The following ROBO1 variants were observed in gnomAD, a reference collection of about 807,000 sequenced individuals.
ROBO1 encodes the protein roundabout guidance receptor 1.
Under a neutral mutation model 195.9 loss-of-function variants are expected in ROBO1, and 149 were observed. The ratio of observed to expected loss-of-function variants is 0.76; its 90% CI spans 0.67 to 0.87. ROBO1 has a LOEUF of 0.87. Among genes scored for constraint, ROBO1 ranks in the 40% least tolerant of loss-of-function variants. The probability of loss-of-function intolerance (pLI) is 0.00; values close to 1 mark genes in which losing one functional copy is unlikely to be tolerated. For synonymous variants in ROBO1, 816 were observed against 733.2 expected (o/e 1.11, Z -1.82); for missense variants, 1,933 against 2,068.3 (o/e 0.93, Z 1.27).
chr3:79,581,517 C>T (rs1274243795), intron 2 of ROBO1, among the ~76,000 whole-genome samples: 2 of 152,122 alleles, frequency 1.3e-5, no homozygotes, highest in Non-Finnish European at 2.9e-5. Context: ...TAAAGCTTCA[C>T]ATTAGAAGAC....
chr3:79,279,374 A>C (rs1206997951), intron 2 of ROBO1, among the ~76,000 whole-genome samples: 2 of 152,240 alleles, frequency 1.3e-5, no homozygotes, highest in Non-Finnish European at 2.9e-5. Context: ...ATGGCCAACC[A>C]ATGATTAATT....
rs146032799 is a variant in ROBO1, at chr3:78,745,853, G to C, written c.657+890C>G. Among the ~76,000 whole-genome samples the C allele has an allele frequency of 3.0e-3, 454 of 152,296 alleles. 6 individuals carry two copies. Among genetic ancestry groups the C allele is most frequent in the African/African-American group, 0.01 (416 of 41,574 alleles). On this transcript the variant is annotated intron_variant, in intron 5 of 30. Transcript: ENST00000464233. ...CAAGCTAATCTACTAACCAGGTGCT[G>C]AGAAACAGTGCAACTACTAATTAGG...
At chr3:79,721,260 A>G (rs915139030) in intron 1 of ROBO1, among the ~76,000 whole-genome samples, 3 of 152,130 alleles carry the variant, frequency 2.0e-5, no homozygotes, top group African/African-American at 4.8e-5. Flanking sequence ...GGAGATAATT[A>G]CTCTCCTCTA....
At chr3:79,454,136 T>TC (rs2039538068) in intron 2 of ROBO1, among the ~76,000 whole-genome samples, 2 of 151,576 alleles carry the variant, frequency 1.3e-5, no homozygotes, top group Admixed American at 1.3e-4. Flanking sequence ...CATTCCTTTT[T>TC]TTTTTTTTTC....
At chr3:79,117,647 C>G (rs1188075789) in intron 3 of ROBO1, among the ~76,000 whole-genome samples, 1 of 152,118 alleles carries the variant, frequency 6.6e-6, no homozygotes, top group Admixed American at 6.6e-5. Context: ...CTGTAATACC[C>G]ACGTATATCA....
chr3:79,001,598 T>C (rs2077506558), intron 3 of ROBO1, among the ~76,000 whole-genome samples: 1 of 152,174 alleles, frequency 6.6e-6, no homozygotes, highest in African/African-American at 2.4e-5. Context: ...AGAGTTTCAC[T>C]GTACTTTTTC....
At chr3:79,567,470 G>A (rs1943127266) in intron 2 of ROBO1, among the ~76,000 whole-genome samples, 1 of 152,152 alleles carries the variant, frequency 6.6e-6, no homozygotes, top group African/African-American at 2.4e-5. Flanking sequence ...AGCATTCCAT[G>A]TTACTCAACA....
chr3:79,510,236 C>T (rs115153391), intron 2 of ROBO1, among the ~76,000 whole-genome samples: 5 of 152,238 alleles, frequency 3.3e-5, no homozygotes, highest in Non-Finnish European at 7.4e-5. Flanking sequence ...AGGTGCTCAC[C>T]GTCCTGCTGT....
intron 2 of ROBO1, among the ~76,000 whole-genome samples, chr3:79,182,159 T>G (rs1172250538): frequency 6.6e-6 from 1 of 152,204 alleles, no homozygotes; most frequent in Admixed American, 6.5e-5. Context: ...TATTTTCATA[T>G]GATGCAACAA....
rs997738688 is a variant in ROBO1 at position 78,871,755 on chromosome 3, A to C, written c.499+66846T>G. On this transcript the variant is annotated intron_variant, in intron 4 of 30. Coordinates refer to ENST00000464233, the MANE Select transcript of ROBO1 (RefSeq NM_002941.4). ...AAGCTTTCACAGCAAAAAAAAAAAA[A>C]AAAAAAGAATTTGTAAAGCTAGGTT... Among the ~76,000 whole-genome samples the C allele has an allele frequency of 2.7e-3, 417 of 151,772 alleles. 1 individual carries two copies. The highest frequency in any genetic ancestry group is 9.0e-3 in the African/African-American group (375 of 41,480).
At position 79,017,475 on chromosome 3, in the gene ROBO1, G is replaced by GTGTGTA. The variant is rs1410567841; in HGVS notation, c.173-78549_173-78548insTACACA. Among the ~76,000 whole-genome samples the GTGTGTA allele has an allele frequency of 1.0e-3, 157 of 150,886 alleles. 4 individuals carry two copies. Among genetic ancestry groups the GTGTGTA allele is most frequent in the South Asian group, 1.5e-3 (7 of 4,758 alleles). On this transcript the variant is annotated intron_variant, in intron 3 of 30. Transcript: ENST00000464233. ...AGTGTGTGTGTGTGTGTGTGTGTGT[G>GTGTGTA]TGTGTGTGTGTGTGTGTGTTTTAAA...
At chr3:79,651,133 T>C (rs1945993906) in intron 1 of ROBO1, among the ~76,000 whole-genome samples, 1 of 152,050 alleles carries the variant, frequency 6.6e-6, no homozygotes, top group South Asian at 2.1e-4. Flanking sequence ...TATGTTTATG[T>C]TTTCAAATAC....
At chr3:78,831,537 G>T (rs2032208892) in intron 4 of ROBO1, among the ~76,000 whole-genome samples, 1 of 152,112 alleles carries the variant, frequency 6.6e-6, no homozygotes. Flanking sequence ...ATGTTCAGTT[G>T]TGCACAGTAC....
chr3:79,274,908 C>T (rs1342748256), intron 2 of ROBO1, among the ~76,000 whole-genome samples: 1 of 151,858 alleles, frequency 6.6e-6, no homozygotes, highest in Non-Finnish European at 1.5e-5. Flanking sequence ...TTCCTAGAAA[C>T]ATACAACCTA....
intron 3 of ROBO1, among the ~76,000 whole-genome samples, chr3:79,023,017 C>T (rs1262219209): frequency 6.6e-6 from 1 of 152,116 alleles, no homozygotes; most frequent in Non-Finnish European, 1.5e-5. Flanking sequence ...CCACTTACTC[C>T]GATGAGTAGG....
chr3:79,692,192 T>C (rs2107088369), intron 1 of ROBO1, among the ~76,000 whole-genome samples: 1 of 152,000 alleles, frequency 6.6e-6, no homozygotes, highest in East Asian at 1.9e-4. Flanking sequence ...GAAATAAAAG[T>C]AACTATACTT....
At chr3:78,868,322 C>A (rs1281027210) in intron 4 of ROBO1, among the ~76,000 whole-genome samples, 1 of 151,252 alleles carries the variant, frequency 6.6e-6, no homozygotes, top group Non-Finnish European at 1.5e-5. Context: ...GATGTCAGTG[C>A]AAACCTTGGA....
At chr3:78,862,212 A>C (rs1310219775) in intron 4 of ROBO1, among the ~76,000 whole-genome samples, 3 of 152,112 alleles carry the variant, frequency 2.0e-5, no homozygotes, top group Non-Finnish European at 4.4e-5. Flanking sequence ...TGACAGACTC[A>C]ACCACCTTGG....
At chr3:79,182,133 C>T (rs2081352361) in intron 2 of ROBO1, among the ~76,000 whole-genome samples, 1 of 151,890 alleles carries the variant, frequency 6.6e-6, no homozygotes, top group Non-Finnish European at 1.5e-5. Flanking sequence ...ATTATTAAGT[C>T]GCAGTTGATA....
Sources: allele counts gnomAD v4.1 joint callset (sites outside exome capture counted in the v4.1 genomes callset), GRCh38; gene constraint gnomAD v4.1.1; transcripts MANE v1.5; gene names NCBI Gene and HGNC (gene_info 2026-07-23, HGNC 2026-07-21).